The following FLVCR2 variants were observed in gnomAD, a reference collection of about 807,000 sequenced individuals.
FLVCR2 encodes the protein choline/ethanolamine transporter FLVCR2.
FLVCR2 carries 38 observed loss-of-function variants against 48.9 expected under a neutral mutation model. The observed-to-expected ratio is 0.78, with a 90% confidence interval of 0.60 to 1.02. FLVCR2 has a LOEUF of 1.02. Among genes scored for constraint, FLVCR2 ranks in the 50% least tolerant of loss-of-function variants. The probability of loss-of-function intolerance (pLI) is 0.00; values close to 1 mark genes in which losing one functional copy is unlikely to be tolerated. For missense variants in FLVCR2, 664 were observed against 663.3 expected (o/e 1.00, Z -0.01); for synonymous variants, 255 against 257.0 (o/e 0.99, Z 0.07).
chr14:75,602,501 G>T (rs1382381325), intron 1 of FLVCR2, among the ~76,000 whole-genome samples: 2 of 152,168 alleles, frequency 1.3e-5, no homozygotes, highest in Non-Finnish European at 2.9e-5. Context: ...TGGTGTCTTG[G>T]AAAGGGGCCC....
chr14:75,622,803 G>A (rs1317368298), intron 2 of FLVCR2, among the ~76,000 whole-genome samples: 1 of 151,668 alleles, frequency 6.6e-6, no homozygotes, highest in Non-Finnish European at 1.5e-5. Context: ...AGTACTTGGG[G>A]ATCATAGTTC....
intron 1 of FLVCR2, among the ~76,000 whole-genome samples, chr14:75,588,819 T>C (rs1888815017): frequency 6.6e-6 from 1 of 152,214 alleles, no homozygotes; most frequent in Non-Finnish European, 1.5e-5. Context: ...CAAACCATAG[T>C]ATTCTCTCCA....
Position 75,646,823 on chromosome 14 carries a change from T to C in FLVCR2, c.*351T>C, listed in dbSNP as rs1890432090. The C allele has an allele frequency of 2.8e-6, 1 of 353,776 alleles. No homozygotes were observed. The highest frequency in any genetic ancestry group is 3.8e-5 in the Admixed American group (1 of 26,520). 21.9% of individuals were successfully genotyped at this position (353,776 alleles called of 1,614,324 possible). ...CATCGTGGACAATGCCTGCAAAATT[T>C]TCACAGGAAGAAAGCCTATTCAGGA... is the stretch of plus-strand genomic sequence containing the variant. On this transcript the variant is annotated 3_prime_UTR_variant, in exon 10 of 10. Transcript: ENST00000238667.
At position 75,611,730 on chromosome 14, in the gene FLVCR2, T is replaced by C. The variant is rs566704551; in HGVS notation, c.670-10349T>C. On this transcript the variant is annotated intron_variant, in intron 1 of 9. Transcript: ENST00000238667. Reference sequence around the variant, plus strand: ...TAGCCTGGGCAACAGAGTGAGACCCTGTCTCACAAACAAACAAACAAACAA... The same window carrying C: ...TAGCCTGGGCAACAGAGTGAGACCCCGTCTCACAAACAAACAAACAAACAA... 3.9e-5 allele frequency among the ~76,000 whole-genome samples: 6 copies of C among 152,184 alleles called. No homozygotes were observed. The East Asian group carries it at 9.7e-4, about 24-fold the overall frequency.
Position 75,606,688 on chromosome 14 carries a change from A to G in FLVCR2, c.670-15391A>G, listed in dbSNP as rs114793945. ...ATTAAAAATGCAAATTCAGAGACTC[A>G]CACCTATAATCCCAGCCCTTTGGGA... On this transcript the variant is annotated intron_variant, in intron 1 of 9. Transcript: ENST00000238667. Among the ~76,000 whole-genome samples the G allele has an allele frequency of 4.0e-3, 614 of 152,242 alleles. 1 individual carries two copies. Among genetic ancestry groups the G allele is most frequent in the African/African-American group, 0.012 (513 of 41,540 alleles).
intron 9 of FLVCR2, among the ~76,000 whole-genome samples, chr14:75,643,487 C>G (rs551389757): frequency 6.6e-6 from 1 of 152,138 alleles, no homozygotes; most frequent in Non-Finnish European, 1.5e-5. Context: ...GAAAAATCTT[C>G]GCCAATTTTC....
rs1890300787 is a variant in FLVCR2, at chr14:75,641,181, G to A, written c.1342-1G>A. The A allele has an allele frequency of 1.9e-6, 3 of 1,607,866 alleles. No individual in the cohort carries two copies. The highest frequency in any genetic ancestry group is 2.6e-6 in the Non-Finnish European group (3 of 1,174,314). On this transcript the variant is annotated splice_acceptor_variant, in intron 7 of 9. Coordinates refer to ENST00000238667, the MANE Select transcript of FLVCR2 (RefSeq NM_017791.3). LOFTEE classifies it high-confidence loss of function. ...TTCCTATCTTCTTTATGCCTTTCCA[G>A]GTATTTGGGATCATCTTTACCATCT...
intron 1 of FLVCR2, among the ~76,000 whole-genome samples, chr14:75,580,976 T>G (rs1367228772): frequency 6.6e-6 from 1 of 152,024 alleles, no homozygotes; most frequent in Non-Finnish European, 1.5e-5. Flanking sequence ...AATAGTGAAG[T>G]GTTGGAGCAG....
intron 1 of FLVCR2, among the ~76,000 whole-genome samples, chr14:75,615,786 G>A (rs968736426): frequency 9.3e-5 from 14 of 150,022 alleles, no homozygotes; most frequent in Non-Finnish European, 1.2e-4. Flanking sequence ...TTGGGAGGCC[G>A]AGGCGGGCGG....
chr14:75,633,551 C>T lies in FLVCR2; in HGVS notation c.953-78C>T, dbSNP rs1890095801. On this transcript the variant is annotated intron_variant, in intron 3 of 9. Transcript: ENST00000238667. ...GAGATGAGGATTTCTGCCCACCCCC[C>T]AAATGCTGGGGGAGAAGTTAGCAAT... 11 of 1,163,054 alleles carry T rather than the reference C, an allele frequency of 9.5e-6. No individual in the cohort carries two copies. The Middle Eastern group carries it at 1.3e-3, about 134-fold the overall frequency. 72.0% of individuals were successfully genotyped at this position (1,163,054 alleles called of 1,614,324 possible).
At chr14:75,633,531 G>A in intron 3 of FLVCR2, 98 bp from the exon 4 acceptor site, 2 of 922,902 alleles carry the variant, frequency 2.2e-6, no homozygotes, top group Non-Finnish European at 3.6e-6. Context: ...GCAGTGAGAT[G>A]AGGATTTCTG....
intron 1 of FLVCR2, among the ~76,000 whole-genome samples, chr14:75,580,912 G>T (rs959018184): frequency 2.6e-5 from 4 of 152,134 alleles, no homozygotes; most frequent in Admixed American, 2.6e-4. Flanking sequence ...GCTTAGCTTG[G>T]GCTCAGAGGC....
At chr14:75,639,588 G>A (rs1890257659) in intron 6 of FLVCR2, 126 bp downstream of exon 6, 2 of 738,254 alleles carry the variant, frequency 2.7e-6, no homozygotes, top group East Asian at 2.6e-5. Flanking sequence ...ATATGGACAT[G>A]GTGCCCAGGG....
intron 1 of FLVCR2, among the ~76,000 whole-genome samples, chr14:75,616,325 CA>C (rs1232790317): frequency 2.7e-3 from 367 of 133,560 alleles, no homozygotes; most frequent in African/African-American, 8.9e-3. Context: ...GACTCTGTCT[CA>C]AAAAAAAAAA....
rs1594785434 is a variant in FLVCR2, at chr14:75,578,808, T to G, written c.-165T>G. 1 of 680,344 alleles carries G rather than the reference T, an allele frequency of 1.5e-6. No homozygotes were observed. The highest frequency in any genetic ancestry group is 2.6e-6 in the Non-Finnish European group (1 of 389,690). The allele number at this position is 680,344 out of a possible 1,614,324, so 42.1% of individuals were successfully genotyped here. ...AAAAGTGGGAGCAGGAGCTTGGAGG[T>G]GAGCACAGGAAGCCCCACTTGAGGC... is the stretch of plus-strand genomic sequence containing the variant. On this transcript the variant is annotated 5_prime_UTR_variant, in exon 1 of 10. Coordinates refer to ENST00000238667, the MANE Select transcript of FLVCR2 (RefSeq NM_017791.3).
chr14:75,601,760 T>A (rs929227383), intron 1 of FLVCR2, among the ~76,000 whole-genome samples: 2 of 152,250 alleles, frequency 1.3e-5, no homozygotes, highest in African/African-American at 2.4e-5. Context: ...TAACTAAAAC[T>A]TGGAAGCAAC....
chr14:75,605,223 A>G (rs1889262439), intron 1 of FLVCR2, among the ~76,000 whole-genome samples: 1 of 152,324 alleles, frequency 6.6e-6, no homozygotes, highest in African/African-American at 2.4e-5. Flanking sequence ...AGTGCCATCA[A>G]GGATGATTAA....
At chr14:75,609,278 C>A (rs753664119) in intron 1 of FLVCR2, among the ~76,000 whole-genome samples, 2 of 152,108 alleles carry the variant, frequency 1.3e-5, no homozygotes, top group Non-Finnish European at 2.9e-5. Context: ...GCCAGTCACA[C>A]CGGAGCGGCT....
intron 1 of FLVCR2, among the ~76,000 whole-genome samples, chr14:75,582,098 C>G (rs1288799814): frequency 6.6e-6 from 1 of 152,178 alleles, no homozygotes; most frequent in African/African-American, 2.4e-5. Flanking sequence ...CTAGCTGCTT[C>G]TTTAGCTACC....
Sources: allele counts gnomAD v4.1 joint callset (sites outside exome capture counted in the v4.1 genomes callset), GRCh38; gene constraint gnomAD v4.1.1; transcripts MANE v1.5; gene names NCBI Gene and HGNC (gene_info 2026-07-23, HGNC 2026-07-21).